Variants in TEX9 observed in about 807,000 individuals in gnomAD.
The protein encoded by TEX9 is testis-expressed protein 9.
Under a neutral mutation model 59.6 loss-of-function variants are expected in TEX9, and 74 were observed. The observed-to-expected ratio is 1.24, with a 90% CI of 1.03 to 1.51. The LOEUF is 1.51. Among genes scored for constraint, TEX9 ranks in the 40% most tolerant of loss-of-function variants. The probability of loss-of-function intolerance (pLI) is 0.00; values close to 1 mark genes in which losing one functional copy is unlikely to be tolerated. For missense variants in TEX9, 522 were observed against 447.8 expected, an observed-to-expected ratio of 1.17 and a Z score of -1.49; for synonymous variants, 186 against 152.2, an observed-to-expected ratio of 1.22 and a Z score of -1.64.
chr15:56,442,563 AAAG>A (rs1363353000), intron 12 of TEX9, among the ~76,000 whole-genome samples: 1 of 152,234 alleles, frequency 6.6e-6, no homozygotes. Context: ...CAGCCATAAA[AAAG>A]AACAAAATCA....
chr15:56,442,418 A>G (rs117625775), intron 12 of TEX9, among the ~76,000 whole-genome samples: 6,768 of 152,294 alleles, frequency 0.044, 224 homozygotes, highest in Admixed American at 0.089. Flanking sequence ...AAATCATTTT[A>G]CCATAATGAC....
chr15:56,357,114 A>G lies in TEX9; in HGVS notation c.-106-16327A>G, dbSNP rs2046699968. On this transcript the variant is annotated intron_variant, in intron 1 of 5. Transcript: ENST00000560827. Reference sequence around the variant, plus strand: ...CCCTTACTATGTCCCCTACCCTATAAATTCAGAAGATAGAAGTTTGTCCTA... The same window carrying G: ...CCCTTACTATGTCCCCTACCCTATAGATTCAGAAGATAGAAGTTTGTCCTA... Among the ~76,000 whole-genome samples the G allele has an allele frequency of 2.0e-5, 3 of 152,242 alleles. 1 individual carries two copies. The South Asian group carries it at 6.2e-4, about 32-fold the overall frequency.
intron 1 of TEX9, among the ~76,000 whole-genome samples, chr15:56,247,507 A>G (rs960127103): frequency 6.6e-6 from 1 of 152,152 alleles, no homozygotes; most frequent in African/African-American, 2.4e-5. Context: ...AGATAAAGGG[A>G]GTAACATGAG....
chr15:56,292,466 A>T (rs976547957), intron 1 of TEX9, among the ~76,000 whole-genome samples: 10 of 152,160 alleles, frequency 6.6e-5, no homozygotes, highest in Non-Finnish European at 1.5e-4. Context: ...GCCTGGTTTT[A>T]ACACTATACA....
chr15:56,317,013 G>C (rs575344800), intron 1 of TEX9, among the ~76,000 whole-genome samples: 2 of 152,174 alleles, frequency 1.3e-5, no homozygotes. Context: ...TTCTGCTCGC[G>C]CAGGGTGCGC....
intron 1 of TEX9, among the ~76,000 whole-genome samples, chr15:56,346,645 T>C (rs2046476225): frequency 6.6e-6 from 1 of 152,154 alleles, no homozygotes; most frequent in African/African-American, 2.4e-5. Flanking sequence ...CAACCACACG[T>C]TTTTCTTTAG....
At chr15:56,434,876 C>T (rs2050693522) in intron 12 of TEX9, among the ~76,000 whole-genome samples, 1 of 152,056 alleles carries the variant, frequency 6.6e-6, no homozygotes, top group African/African-American at 2.4e-5. Flanking sequence ...CCAAAATTCT[C>T]TAAAATTTAA....
chr15:56,274,926 A>T lies in TEX9; in HGVS notation c.-107+30648A>T, dbSNP rs553786998. 4.1e-4 allele frequency among the ~76,000 whole-genome samples: 62 copies of T among 152,286 alleles called. No homozygotes were observed. The South Asian group carries it at 0.013, about 31-fold the overall frequency. On this transcript the variant is annotated intron_variant, in intron 1 of 5. Coordinates refer to the TEX9 transcript ENST00000560827. ...TCTTGAAGTTCCTAATCCCACCCTC[A>T]GGTTTTAGCCTTCCCTGTGTTCCTG...
In TEX9 at chr15:56,415,919, G is replaced by T. The variant is rs551656706; in HGVS notation, c.963+3483G>T. Among the ~76,000 whole-genome samples the T allele has an allele frequency of 7.3e-5, 11 of 151,720 alleles. No homozygotes were observed. In the East Asian group the frequency reaches 2.1e-3, roughly 29 times the overall value. On this transcript the variant is annotated intron_variant, in intron 10 of 12. Transcript: ENST00000352903. Reference sequence around the variant, plus strand: ...CTCTGATTTCTTTGAGCAGTGTTTCGTAATTCTCATTGTAGAGATCTTGCA... The same window carrying T: ...CTCTGATTTCTTTGAGCAGTGTTTCTTAATTCTCATTGTAGAGATCTTGCA...
chr15:56,257,744 G>C (rs1596046480), intron 1 of TEX9, among the ~76,000 whole-genome samples: 1 of 151,998 alleles, frequency 6.6e-6, no homozygotes, highest in Admixed American at 6.6e-5. Flanking sequence ...CCGGTTTTCT[G>C]TTTACTCTGT....
intron 10 of TEX9, among the ~76,000 whole-genome samples, chr15:56,415,688 G>A (rs1365165653): frequency 6.6e-6 from 1 of 151,774 alleles, no homozygotes. Context: ...CTCCAACTTT[G>A]TTCTTTTTGC....
chr15:56,459,456 T>C, the TEX9 span, among the ~76,000 whole-genome samples: 1 of 152,200 alleles, frequency 6.6e-6, no homozygotes, highest in Non-Finnish European at 1.5e-5. Flanking sequence ...ATGCCTTCAA[T>C]TATCTCTTGG....
intron 3 of TEX9, among the ~76,000 whole-genome samples, chr15:56,379,918 A>C (rs2047649568): frequency 6.6e-6 from 1 of 150,394 alleles, no homozygotes. Flanking sequence ...CTATATATAT[A>C]TCTTTATTAA....
Position 56,391,281 on chromosome 15 carries a change from A to ATC in TEX9, c.435_436insCT (p.Val146LeufsTer33). On this transcript the variant is annotated frameshift_variant, in exon 7 of 13. Coordinates refer to ENST00000352903, the Ensembl canonical transcript of TEX9. LOFTEE classifies it high-confidence loss of function. ...TACTCTGATGTCCAAACTGCCGACG[A>ATC]TGTTGCCATTCCAGAGGATTTCTCA... 1 of 1,585,196 alleles carries ATC rather than the reference A, an allele frequency of 6.3e-7. No individual in the cohort carries two copies. Among genetic ancestry groups the ATC allele is most frequent in the Non-Finnish European group, 8.5e-7 (1 of 1,170,132 alleles).
rs146575314 is a variant in TEX9 at position 56,427,838 on chromosome 15, G to A, written c.1098+99G>A. On this transcript the variant is annotated intron_variant, in intron 11 of 12. Transcript: ENST00000352903. ...TTAGGTATGTTTTTGACATCTTTACGCACTGAACTTCATATAAAATGCATC... is the reference window on the plus strand; with the variant it reads ...TTAGGTATGTTTTTGACATCTTTACACACTGAACTTCATATAAAATGCATC... The A allele has an allele frequency of 1.9e-4, 171 of 894,020 alleles. 2 individuals are homozygous for A. In the Admixed American group the frequency reaches 5.2e-3, roughly 27 times the overall value. 55.4% of individuals were successfully genotyped at this position (894,020 alleles called of 1,614,324 possible).
At chr15:56,459,996 A>AG in the TEX9 span, among the ~76,000 whole-genome samples, 1 of 49,428 alleles carries the variant, frequency 2.0e-5, no homozygotes, top group Admixed American at 2.6e-4. Flanking sequence ...GTCTCAAAAA[A>AG]AAAAAAAAAA....
intron 3 of TEX9, among the ~76,000 whole-genome samples, chr15:56,374,818 G>T (rs2142049486): frequency 6.6e-6 from 1 of 152,126 alleles, no homozygotes; most frequent in Non-Finnish European, 1.5e-5. Context: ...GTCTTTTTGT[G>T]CCTGGCTTAT....
At position 56,403,843 on chromosome 15, in the gene TEX9, C is replaced by A. The variant is rs142530594; in HGVS notation, c.829-8459C>A. Among the ~76,000 whole-genome samples the A allele has an allele frequency of 2.8e-3, 422 of 152,328 alleles. 13 individuals are homozygous for A. In the East Asian group the frequency reaches 0.074, roughly 27 times the overall value. On this transcript the variant is annotated intron_variant, in intron 9 of 12. Transcript: ENST00000352903. Reference sequence around the variant, plus strand: ...AATAATACCACACATCTACAACCATCTGATCTTTGACAAACCTGACAAAAA... The same window carrying A: ...AATAATACCACACATCTACAACCATATGATCTTTGACAAACCTGACAAAAA...
chr15:56,372,794 G>A (rs940649084), intron 2 of TEX9, among the ~76,000 whole-genome samples: 1 of 152,092 alleles, frequency 6.6e-6, no homozygotes, highest in African/African-American at 2.4e-5. Flanking sequence ...TGTCATCCTT[G>A]CAGTCTTAAT....
Sources: gnomAD v4.1 joint callset for allele counts (sites outside exome capture counted in the v4.1 genomes callset) on GRCh38, gnomAD v4.1.1 for gene constraint, MANE v1.5 for transcripts, NCBI Gene and HGNC (gene_info 2026-07-23, HGNC 2026-07-21) for gene names.